Variants in PRKG1 observed in about 807,000 individuals in gnomAD.
PRKG1 encodes protein kinase cGMP-dependent 1, also known as cGMP-dependent protein kinase 1.
A neutral mutation model predicts 88.1 loss-of-function variants in PRKG1; 35 were observed. That is an observed-to-expected ratio of 0.40 (90% confidence interval 0.30 to 0.53). The LOEUF is 0.53. Ranked by LOEUF, PRKG1 falls within the 20% of genes least tolerant of loss-of-function variation. The pLI is 0.59. For missense variants in PRKG1, 540 were observed against 839.8 expected (o/e 0.64, Z 4.41); for synonymous variants, 303 against 292.5 (o/e 1.04, Z -0.37).
chr10:51,829,113 AT>A (rs1231899316), intron 4 of PRKG1, among the ~76,000 whole-genome samples: 2 of 152,180 alleles, frequency 1.3e-5, no homozygotes, highest in African/African-American at 4.8e-5. Flanking sequence ...CTTCAAGCTC[AT>A]TCATGTGGCT....
intron 3 of PRKG1, among the ~76,000 whole-genome samples, chr10:51,794,910 T>C (rs1038123770): frequency 1.3e-5 from 2 of 152,032 alleles, no homozygotes; most frequent in Non-Finnish European, 2.9e-5. Context: ...GAGACTTAAT[T>C]TGAATATTTA....
chr10:51,669,680 C>A (rs1840508705), intron 3 of PRKG1, among the ~76,000 whole-genome samples: 1 of 152,132 alleles, frequency 6.6e-6, no homozygotes, highest in African/African-American at 2.4e-5. Flanking sequence ...TTCCCAATAT[C>A]TATTTTGCCC....
chr10:52,133,926 T>C, intron 8 of PRKG1, 21 bp downstream of exon 8: 3 of 1,594,216 alleles, frequency 1.9e-6, no homozygotes, highest in Non-Finnish European at 2.6e-6. Flanking sequence ...TGTTTTATTA[T>C]GTGAATTACA....
At position 52,288,452 on chromosome 10, in the gene PRKG1, T is replaced by C. The variant is rs1387203645; in HGVS notation, c.1710-274T>C. On this transcript the variant is annotated intron_variant, in intron 14 of 17. Coordinates refer to ENST00000373980, the MANE Select transcript of PRKG1 (RefSeq NM_006258.4). ...AGGTCAGAGAGTAGAAGAAGCATCT[T>C]GAATGACCAAGGACAGCATGAGGGC... Among the ~76,000 whole-genome samples, 46 of 152,034 alleles carry C rather than the reference T, an allele frequency of 3.0e-4. 1 individual carries two copies.
At chr10:52,022,651 A>G (rs1392969067) in intron 5 of PRKG1, among the ~76,000 whole-genome samples, 3 of 152,222 alleles carry the variant, frequency 2.0e-5, no homozygotes, top group Non-Finnish European at 4.4e-5. Context: ...ACAATAGTGT[A>G]TGGTATAGCT....
chr10:51,837,324 A>T (rs1259423396), intron 4 of PRKG1, among the ~76,000 whole-genome samples: 1 of 152,176 alleles, frequency 6.6e-6, no homozygotes, highest in Non-Finnish European at 1.5e-5. Context: ...TGGCACTTAA[A>T]AAAATTAAAT....
At chr10:51,325,423 T>C (rs1841564065) in intron 2 of PRKG1, among the ~76,000 whole-genome samples, 1 of 152,188 alleles carries the variant, frequency 6.6e-6, no homozygotes, top group African/African-American at 2.4e-5. Context: ...GGTCTCGAAC[T>C]CCTGACCTCA....
rs138354226 is a variant in PRKG1 at position 51,160,051 on chromosome 10, C to G, written c.478+6721C>G. Among the ~76,000 whole-genome samples, 213 of 152,194 alleles carry G rather than the reference C, an allele frequency of 1.4e-3. 1 individual carries two copies. The highest frequency in any genetic ancestry group is 4.9e-3 in the African/African-American group (203 of 41,526). The stretch of plus-strand genomic sequence containing the variant: ...GTTTGTGTGGGTTGAGGAGGGATTC[C>G]TTGTGGCTGAACCATAACATATCTC... On this transcript the variant is annotated intron_variant, in intron 2 of 17. Transcript: ENST00000373980.
chr10:51,277,299 G>C (rs1006620092), intron 2 of PRKG1, among the ~76,000 whole-genome samples: 11 of 152,136 alleles, frequency 7.2e-5, no homozygotes, highest in Non-Finnish European at 1.0e-4. Flanking sequence ...TCTGAGGGCT[G>C]TGTTCTGTTC....
intron 7 of PRKG1, among the ~76,000 whole-genome samples, chr10:52,076,080 T>C (rs1270569654): frequency 1.3e-5 from 2 of 152,164 alleles, no homozygotes; most frequent in African/African-American, 4.8e-5. Context: ...TTGAAACAAT[T>C]GAAAATCCAT....
chr10:51,152,425 C>T (rs900168312), intron 1 of PRKG1, among the ~76,000 whole-genome samples: 1 of 152,046 alleles, frequency 6.6e-6, no homozygotes, highest in Non-Finnish European at 1.5e-5. Context: ...GCATTTCTAC[C>T]AGTTGTTTCA....
chr10:52,079,622 G>A lies in PRKG1; in HGVS notation c.935+16991G>A, dbSNP rs147401103. On this transcript the variant is annotated intron_variant, in intron 7 of 17. Transcript: ENST00000373980. ...AGGCAAGGTTCACTGTTTAACTGGG[G>A]TGGGAGAAGCAAGTGGACCATTTCT... Among the ~76,000 whole-genome samples, 15 of 152,262 alleles carry A rather than the reference G, an allele frequency of 9.9e-5. No individual in the cohort carries two copies. In the East Asian group the frequency reaches 2.9e-3, roughly 29 times the overall value.
At chr10:51,948,551 T>C (rs886151678) in intron 5 of PRKG1, among the ~76,000 whole-genome samples, 1 of 54,914 alleles carries the variant, frequency 1.8e-5, no homozygotes, top group African/African-American at 1.2e-4. Context: ...TGTGTGTGCG[T>C]GTGTGTGTGT....
chr10:51,805,533 TATA>T (rs1272010478), intron 4 of PRKG1, among the ~76,000 whole-genome samples: 2 of 152,062 alleles, frequency 1.3e-5, no homozygotes, highest in African/African-American at 4.8e-5. Flanking sequence ...TATATGAGCA[TATA>T]ATGAGTGTAC....
At chr10:52,253,997 C>T (rs559963080) in intron 10 of PRKG1, among the ~76,000 whole-genome samples, 16 of 152,016 alleles carry the variant, frequency 1.1e-4, no homozygotes, top group African/African-American at 3.4e-4. Context: ...ATCACTAATA[C>T]CTTATTTTCC....
intron 10 of PRKG1, among the ~76,000 whole-genome samples, chr10:52,261,881 G>A (rs563853568): frequency 6.6e-6 from 1 of 152,200 alleles, no homozygotes; most frequent in South Asian, 2.1e-4. Context: ...TAGGATAGAA[G>A]CTTTCTGTTC....
chr10:51,044,633 C>T (rs186087213), intron 1 of PRKG1, among the ~76,000 whole-genome samples: 15 of 152,040 alleles, frequency 9.9e-5, no homozygotes, highest in Admixed American at 8.5e-4. Flanking sequence ...CACCACATAG[C>T]TTATAGACTC....
At chr10:51,353,772 A>G (rs995606228) in intron 2 of PRKG1, among the ~76,000 whole-genome samples, 1 of 152,088 alleles carries the variant, frequency 6.6e-6, no homozygotes, top group South Asian at 2.1e-4. Context: ...GTGATACCAT[A>G]TCATCTGGCA....
At chr10:51,719,807 C>T (rs1410256992) in intron 3 of PRKG1, among the ~76,000 whole-genome samples, 1 of 152,012 alleles carries the variant, frequency 6.6e-6, no homozygotes, top group Non-Finnish European at 1.5e-5. Flanking sequence ...AAAATTATCC[C>T]CAGAAAAGTT....
Sources: gnomAD v4.1 joint callset for allele counts (sites outside exome capture counted in the v4.1 genomes callset) on GRCh38, gnomAD v4.1.1 for gene constraint, MANE v1.5 for transcripts, NCBI Gene and HGNC (gene_info 2026-07-23, HGNC 2026-07-21) for gene names.